The following RANBP2 variants were observed in gnomAD, a reference collection of about 807,000 sequenced individuals.
The protein encoded by RANBP2 is RAN binding protein 2.
In RANBP2, 57 loss-of-function variants were observed where a neutral mutation model predicts 303.6. The observed-to-expected ratio is 0.19, with a 90% CI of 0.15 to 0.23. RANBP2 has a LOEUF of 0.23. RANBP2 is among the 10% of genes least tolerant of loss of function. RANBP2 has a pLI of 1.00. For missense variants in RANBP2, 3,138 were observed against 3,780.8 expected (o/e 0.83, Z 4.46); for synonymous variants, 1,167 against 1,301.5 (o/e 0.90, Z 2.23).
At chr2:109,147,494 C>G in the RANBP2 span, among the ~76,000 whole-genome samples, 1 of 152,176 alleles carries the variant, frequency 6.6e-6, no homozygotes, top group African/African-American at 2.4e-5. Context: ...GTCAACAGAT[C>G]TGATAAGAAG....
the RANBP2 span, chr2:109,732,871 TGCA>T: frequency 8.3e-7 from 1 of 1,209,146 alleles, no homozygotes; most frequent in Non-Finnish European, 1.2e-6. Context: ...ATCCCCGAGA[TGCA>T]GCAGGTGTGG....
At chr2:108,876,026 T>A in the RANBP2 span, 10 of 1,035,338 alleles carry the variant, frequency 9.7e-6, no homozygotes, top group African/African-American at 1.6e-5. Flanking sequence ...TATCTGTCAG[T>A]GTCATTGCAG....
the RANBP2 span, among the ~76,000 whole-genome samples, chr2:109,002,890 C>T: frequency 6.6e-6 from 1 of 152,104 alleles, no homozygotes; most frequent in African/African-American, 2.4e-5. Flanking sequence ...CCTCATAATA[C>T]CCCTTTACTA....
the RANBP2 span, chr2:109,794,499 G>C: frequency 3.8e-6 from 2 of 533,178 alleles, no homozygotes; most frequent in Non-Finnish European, 4.2e-6. Flanking sequence ...GGAGCGGTAC[G>C]TCGCCTCGGT....
At chr2:109,282,751 G>A in the RANBP2 span, among the ~76,000 whole-genome samples, 24 of 152,156 alleles carry the variant, frequency 1.6e-4, no homozygotes, top group African/African-American at 4.8e-4. Flanking sequence ...TCCTCAGAAC[G>A]GCCAAAGGAG....
the RANBP2 span, chr2:109,504,640 G>A: frequency 2.6e-5 from 4 of 152,274 alleles, no homozygotes; most frequent in Non-Finnish European, 4.4e-5. Context: ...GAGAAGGCTT[G>A]TGTCTACGTG....
the RANBP2 span, among the ~76,000 whole-genome samples, chr2:109,096,342 T>C: frequency 1.2e-3 from 186 of 152,360 alleles, no homozygotes; most frequent in Non-Finnish European, 2.2e-3. Flanking sequence ...CCTATAATTC[T>C]AATATGGTTC....
At chr2:109,235,234 C>T in the RANBP2 span, among the ~76,000 whole-genome samples, 1 of 152,156 alleles carries the variant, frequency 6.6e-6, no homozygotes, top group Non-Finnish European at 1.5e-5. Flanking sequence ...TAAAATAGAT[C>T]AACCCTGAAT....
At chr2:109,674,542 T>C in the RANBP2 span, among the ~76,000 whole-genome samples, 1 of 151,924 alleles carries the variant, frequency 6.6e-6, no homozygotes, top group Admixed American at 6.6e-5. Flanking sequence ...ATGATTGCAC[T>C]GCTGCACTCC....
the RANBP2 span, among the ~76,000 whole-genome samples, chr2:109,690,137 G>A: frequency 6.6e-6 from 1 of 152,120 alleles, no homozygotes; most frequent in Non-Finnish European, 1.5e-5. Context: ...AGTTTATTTT[G>A]CCAAAGTTAA....
At chr2:109,243,953 G>C in the RANBP2 span, among the ~76,000 whole-genome samples, 1 of 152,232 alleles carries the variant, frequency 6.6e-6, no homozygotes, top group Non-Finnish European at 1.5e-5. Context: ...GCAGCCATGG[G>C]CACTTGGTGG....
chr2:109,281,031 T>C, the RANBP2 span, among the ~76,000 whole-genome samples: 2 of 152,218 alleles, frequency 1.3e-5, no homozygotes, highest in African/African-American at 4.8e-5. Flanking sequence ...AACTGAGCCA[T>C]GCTGTCCCCA....
At chr2:109,420,006 T>C in the RANBP2 span, among the ~76,000 whole-genome samples, 1 of 152,064 alleles carries the variant, frequency 6.6e-6, no homozygotes, top group East Asian at 1.9e-4. Flanking sequence ...GAGCAGCGGG[T>C]AGTCTAGGAG....
the RANBP2 span, among the ~76,000 whole-genome samples, chr2:109,230,348 G>T: frequency 9.9e-5 from 15 of 152,164 alleles, no homozygotes; most frequent in African/African-American, 3.4e-4. Flanking sequence ...AGGCCAAGGT[G>T]GGGGGCTCTC....
the RANBP2 span, among the ~76,000 whole-genome samples, chr2:109,714,292 T>A: frequency 2.0e-5 from 3 of 152,088 alleles, no homozygotes; most frequent in Non-Finnish European, 2.9e-5. Context: ...TTCTCTTTTT[T>A]AAAAGTTTTT....
At chr2:109,516,511 G>A in the RANBP2 span, among the ~76,000 whole-genome samples, 35 of 152,350 alleles carry the variant, frequency 2.3e-4, no homozygotes, top group Non-Finnish European at 3.4e-4. Flanking sequence ...CCGGGTCACA[G>A]AGAGCCCGCC....
At chr2:109,222,299 A>C in the RANBP2 span, among the ~76,000 whole-genome samples, 25 of 152,336 alleles carry the variant, frequency 1.6e-4, no homozygotes, top group African/African-American at 5.5e-4. Flanking sequence ...GTGATTAGTT[A>C]ACAACAATTT....
chr2:109,382,278 G>A, the RANBP2 span, among the ~76,000 whole-genome samples: 10 of 152,278 alleles, frequency 6.6e-5, no homozygotes, highest in African/African-American at 2.4e-4. Flanking sequence ...TTGCTGAAGG[G>A]ACATCTGTTT....
the RANBP2 span, among the ~76,000 whole-genome samples, chr2:109,526,763 T>A: frequency 0.047 from 7,118 of 152,180 alleles, 563 homozygotes; most frequent in African/African-American, 0.16. Context: ...GGTCCCCAGA[T>A]GCACCCTCTC....
Sources: allele counts gnomAD v4.1 joint callset (sites outside exome capture counted in the v4.1 genomes callset), GRCh38; gene constraint gnomAD v4.1.1; transcripts MANE v1.5; gene names NCBI Gene and HGNC (gene_info 2026-07-23, HGNC 2026-07-21).